SLC35A5: variants seen among roughly 807,000 people sequenced by gnomAD.
The protein encoded by SLC35A5 is solute carrier family 35 member A5, also known as UDP-sugar transporter protein SLC35A5.
Under a neutral mutation model 36.3 loss-of-function variants are expected in SLC35A5, and 28 were observed. The observed-to-expected ratio is 0.77, with a 90% CI of 0.57 to 1.06. The LOEUF is 1.06. SLC35A5 is among the 50% of genes least tolerant of loss of function. SLC35A5 has a pLI of 0.00. For missense variants in SLC35A5, 521 were observed against 499.3 expected, an observed-to-expected ratio of 1.04 and a Z score of -0.41; for synonymous variants, 180 against 173.7, an observed-to-expected ratio of 1.04 and a Z score of -0.29.
Position 112,583,059 on chromosome 3 carries a change from C to T in SLC35A5, c.*323C>T. 2.3e-6 allele frequency: 1 copy of T among 438,178 alleles called. No homozygotes were observed. Among genetic ancestry groups the T allele is most frequent in the East Asian group, 3.4e-5 (1 of 29,736 alleles). 27.1% of individuals were successfully genotyped at this position (438,178 alleles called of 1,614,324 possible). A position where few individuals can be genotyped will look rare whatever the true frequency, so the allele number is the denominator to read the frequency against. ...CTTGTAATAATCATGTTAGCTATAG[C>T]TTGTATATACACATAGAGATCAATT... is the stretch of plus-strand genomic sequence containing the variant. On this transcript the variant is annotated 3_prime_UTR_variant, in exon 7 of 7. Transcript: ENST00000492406.
chr3:112,578,990 GCTAACGCCATCAGTAAGTT>G (rs1294330910), intron 5 of SLC35A5, among the ~76,000 whole-genome samples: 1 of 152,026 alleles, frequency 6.6e-6, no homozygotes, highest in Admixed American at 6.6e-5. Context: ...ATAAGGCTGC[GCTAACGCCATCAGTAAGTT>G]CTAGATCAGG....
At chr3:112,563,301 T>A (rs1046549523) in intron 1 of SLC35A5, 84 bp from the exon 2 acceptor site, 1 of 1,304,470 alleles carries the variant, frequency 7.7e-7, no homozygotes, top group Non-Finnish European at 1.0e-6. Context: ...TTTTTAAAAA[T>A]TCCTTTTTTG....
chr3:112,585,448 T>G lies in SLC35A5; in HGVS notation c.*2712T>G, dbSNP rs568626517. The G allele has an allele frequency of 1.3e-5, 2 of 152,194 alleles. No homozygotes were observed. The highest frequency in any genetic ancestry group is 4.8e-5 in the African/African-American group (2 of 41,430). The allele number at this position is 152,194 out of a possible 1,614,324, so 9.4% of individuals were successfully genotyped here. On this transcript the variant is annotated 3_prime_UTR_variant, in exon 7 of 7. Transcript: ENST00000492406. ...TTGACAAAATATGTATTGGGTACAATGTTCACTGTTTGAGTGATGGGTCCA... is the reference window on the plus strand; with the variant it reads ...TTGACAAAATATGTATTGGGTACAAGGTTCACTGTTTGAGTGATGGGTCCA...
chr3:112,561,416 G>GCGCT, upstream of SLC35A5: 1 of 1,598,266 alleles, frequency 6.3e-7, no homozygotes, highest in Non-Finnish European at 8.6e-7. Flanking sequence ...GAAAAGTCGA[G>GCGCT]CATGTGCCTG....
At chr3:112,581,373 A>G (rs1032027001) in intron 6 of SLC35A5, 47 bp downstream of exon 6, 1 of 1,513,392 alleles carries the variant, frequency 6.6e-7, no homozygotes, top group Non-Finnish European at 8.9e-7. Flanking sequence ...CCCAAATTTA[A>G]AGCATAGTTA....
chr3:112,573,685 A>G (rs1181359307), intron 4 of SLC35A5, among the ~76,000 whole-genome samples: 3 of 152,376 alleles, frequency 2.0e-5, no homozygotes, highest in Admixed American at 1.3e-4. Flanking sequence ...TACACAGGCA[A>G]TGCCTGGACA....
At chr3:112,570,468 C>T in intron 3 of SLC35A5, 72 bp from the exon 4 acceptor site, 2 of 1,482,752 alleles carry the variant, frequency 1.3e-6, no homozygotes, top group Non-Finnish European at 1.8e-6. Flanking sequence ...TATCAGTAAT[C>T]AAGTGCAGTG....
upstream of SLC35A5, chr3:112,561,482 G>A: frequency 1.2e-6 from 2 of 1,605,132 alleles, no homozygotes; most frequent in Middle Eastern, 1.7e-4. Flanking sequence ...CAGGTACTCA[G>A]CCACTTCCAG....
At position 112,563,417 on chromosome 3, in the gene SLC35A5, G is replaced by C; in HGVS notation, c.14G>C (p.Cys5Ser). 6.4e-7 allele frequency: 1 copy of C among 1,568,814 alleles called. No homozygotes were observed. The highest frequency in any genetic ancestry group is 1.2e-5 in the South Asian group (1 of 86,900). The part of the protein sequence containing the change: MEKQ[C>S]CSHPVICSLS... ...AAAAACAGTGGAATGGAAAAACAGT[G>C]CTGTAGTCATCCTGTAATATGCTCC... The change falls in exon 2 of 7, where the codon TGC becomes TCC. Residue 5 changes from cysteine (C) to serine (S), a missense_variant. Transcript: ENST00000492406.
At chr3:112,569,114 A>G (rs1401496556) in intron 2 of SLC35A5, 57 bp from the exon 3 acceptor site, 1 of 1,345,976 alleles carries the variant, frequency 7.4e-7, no homozygotes, top group Admixed American at 1.7e-5. Flanking sequence ...GTTATACTGT[A>G]TATAAACATA....
At chr3:112,566,666 AG>A (rs1934209505) in intron 2 of SLC35A5, among the ~76,000 whole-genome samples, 1 of 152,260 alleles carries the variant, frequency 6.6e-6, no homozygotes, top group Admixed American at 6.5e-5. Context: ...GATAAGCTAA[AG>A]ATTAAAGGAT....
intron 5 of SLC35A5, among the ~76,000 whole-genome samples, chr3:112,575,556 A>G (rs1934627970): frequency 6.6e-6 from 1 of 152,022 alleles, no homozygotes; most frequent in Non-Finnish European, 1.5e-5. Context: ...GCATTTTGCT[A>G]ATTTTAATAA....
At chr3:112,582,571 C>G in intron 6 of SLC35A5, 100 bp from the exon 7 acceptor site, 1 of 749,980 alleles carries the variant, frequency 1.3e-6, no homozygotes, top group Non-Finnish European at 2.3e-6. Flanking sequence ...ATATCTATAG[C>G]TTAATGAGGT....
Position 112,583,447 on chromosome 3 carries a change from T to C in SLC35A5, c.*711T>C, listed in dbSNP as rs1935022505. On this transcript the variant is annotated 3_prime_UTR_variant, in exon 7 of 7. Transcript: ENST00000492406. ...GTTACCACTTGTATTTTAAGTCATT[T>C]AAACAAGCCACGGTGGGGCTTTTTT... The C allele has an allele frequency of 3.9e-6, 1 of 255,666 alleles. No individual in the cohort carries two copies. Among genetic ancestry groups the C allele is most frequent in the African/African-American group, 2.2e-5 (1 of 45,582 alleles). 15.8% of individuals were successfully genotyped at this position (255,666 alleles called of 1,614,324 possible). A position where few individuals can be genotyped will look rare whatever the true frequency, so the allele number is the denominator to read the frequency against.
At chr3:112,578,085 T>C (rs573038477) in intron 5 of SLC35A5, among the ~76,000 whole-genome samples, 10 of 152,298 alleles carry the variant, frequency 6.6e-5, no homozygotes, top group Admixed American at 2.0e-4. Context: ...ATCTAAACAA[T>C]TTATTTTAAC....
intron 2 of SLC35A5, among the ~76,000 whole-genome samples, chr3:112,568,150 C>T (rs1934281642): frequency 6.6e-6 from 1 of 152,100 alleles, no homozygotes; most frequent in African/African-American, 2.4e-5. Flanking sequence ...ACAAGTAGGG[C>T]CACAGAGGTT....
chr3:112,581,217 T>C lies in SLC35A5; in HGVS notation c.1100T>C (p.Leu367Pro), dbSNP rs1348792563. Residue 367 changes from leucine (L) to proline (P), a missense_variant, in exon 6 of 7, where the codon CTT (leucine) becomes CCT (proline). Physicochemically the swap from Leu to Pro is moderately conservative, Grantham distance 98. Transcript: ENST00000492406. ...LEFFLEAPSVLLSIFIYNASK... is the reference protein window; with the variant it reads ...LEFFLEAPSVPLSIFIYNASK... The stretch of plus-strand genomic sequence containing the variant: ...TTTTTCTTGGAAGCCCCATCAGTCC[T>C]TCTCTCTATATTTATTTATAATGCC... 1.2e-6 allele frequency: 2 copies of C among 1,613,770 alleles called. No individual in the cohort carries two copies. The highest frequency in any genetic ancestry group is 1.7e-6 in the Non-Finnish European group (2 of 1,179,894).
In SLC35A5 at chr3:112,581,287, C is replaced by G. The variant is rs767801885; in HGVS notation, c.1170C>G (p.Ile390Met). 1.9e-6 allele frequency: 3 copies of G among 1,612,308 alleles called. No individual in the cohort carries two copies. The highest frequency in any genetic ancestry group is 2.2e-5 in the South Asian group (2 of 90,874). ...VPEYAPRQER[I>M]RDLSGNLWER... ...AATACGCACCTAGGCAAGAAAGGAT[C>G]CGAGATCTAAGTGGCAATCTTTGGG... Residue 390 changes from isoleucine to methionine, a missense_variant, in exon 6 of 7, where the codon ATC (isoleucine) becomes ATG (methionine). By Grantham distance (10) the Ile-to-Met change is conservative. Coordinates refer to ENST00000492406, the MANE Select transcript of SLC35A5 (RefSeq NM_017945.5).
At position 112,563,486 on chromosome 3, in the gene SLC35A5, C is replaced by A. The variant is rs779984606; in HGVS notation, c.83C>A (p.Ala28Asp). The change falls in exon 2 of 7, where the codon GCT (alanine) becomes GAT (aspartate). Residue 28 changes from alanine to aspartate, a missense_variant. By Grantham distance (126) the Ala-to-Asp change is moderately radical (BLOSUM62 -2). Transcript: ENST00000492406. ...TTCCTGCTAGGTGCCATATTCATTG[C>A]TTTAAGCTCAAGTCGCATCTTACTA... is the stretch of plus-strand genomic sequence containing the variant. Reference protein sequence around the residue: ...YTFLLGAIFIALSSSRILLVK... With the variant: ...YTFLLGAIFIDLSSSRILLVK... 1 of 1,607,784 alleles carries A rather than the reference C, an allele frequency of 6.2e-7. No homozygotes were observed. Among genetic ancestry groups the A allele is most frequent in the Admixed American group, 1.7e-5 (1 of 59,896 alleles).
Sources: gnomAD v4.1 joint callset for allele counts (sites outside exome capture counted in the v4.1 genomes callset) on GRCh38, gnomAD v4.1.1 for gene constraint, MANE v1.5 for transcripts, NCBI Gene and HGNC (gene_info 2026-07-23, HGNC 2026-07-21) for gene names.